Variants in RAB11FIP4 observed in about 807,000 individuals in gnomAD.
RAB11FIP4 encodes rab11 family-interacting protein 4.
In RAB11FIP4, 23 loss-of-function variants were observed where a neutral mutation model predicts 74.3. That is an observed-to-expected ratio of 0.31 (90% CI 0.22 to 0.44). The LOEUF is 0.44. Ranked by LOEUF, RAB11FIP4 falls within the 20% of genes least tolerant of loss-of-function variation. The probability of loss-of-function intolerance (pLI) is 1.00; values close to 1 mark genes in which losing one functional copy is unlikely to be tolerated. For missense variants in RAB11FIP4, 630 were observed against 863.9 expected (o/e 0.73, Z 3.39); for synonymous variants, 360 against 359.9 (o/e 1.00, Z 0.00).
At chr17:31,480,846 T>G (rs138966194) in intron 3 of RAB11FIP4, among the ~76,000 whole-genome samples, 33 of 149,386 alleles carry the variant, frequency 2.2e-4, no homozygotes, top group African/African-American at 8.1e-4. Flanking sequence ...GCCTCCAGGG[T>G]CTCTCTATGC....
At chr17:31,456,739 C>T (rs178871) in intron 3 of RAB11FIP4, among the ~76,000 whole-genome samples, 55 of 152,212 alleles carry the variant, frequency 3.6e-4, no homozygotes, top group Non-Finnish European at 7.1e-4. Context: ...TTTTACTACT[C>T]TAGCTATGAA....
intron 4 of RAB11FIP4, chr17:31,520,819 T>G (rs2072650881): frequency 1.3e-5 from 2 of 154,456 alleles, no homozygotes; most frequent in Non-Finnish European, 2.9e-5. Context: ...CTACAAATGT[T>G]TTAACAAACC....
intron 2 of RAB11FIP4, 91 bp from the exon 3 acceptor site, chr17:31,433,943 C>T: frequency 1.5e-6 from 2 of 1,297,082 alleles, no homozygotes; most frequent in Non-Finnish European, 2.1e-6. Context: ...CTCAGCCCTT[C>T]CCACCCTATG....
intron 3 of RAB11FIP4, among the ~76,000 whole-genome samples, chr17:31,510,970 T>C (rs983922573): frequency 6.6e-6 from 1 of 152,204 alleles, no homozygotes; most frequent in African/African-American, 2.4e-5. Flanking sequence ...TGCAGTGAGC[T>C]GTGATTGCGC....
At chr17:31,464,908 G>A (rs879591302) in intron 3 of RAB11FIP4, among the ~76,000 whole-genome samples, 28 of 151,514 alleles carry the variant, frequency 1.8e-4, no homozygotes, top group South Asian at 2.1e-4. Context: ...CTACAGGCAC[G>A]TACCATCATG....
chr17:31,503,521 G>C (rs1462587583), intron 3 of RAB11FIP4, among the ~76,000 whole-genome samples: 1 of 149,800 alleles, frequency 6.7e-6, no homozygotes, highest in Non-Finnish European at 1.5e-5. Flanking sequence ...GCAGAGTAGA[G>C]GGGAGGCAGT....
chr17:31,407,990 T>A (rs1261655237), intron 1 of RAB11FIP4, among the ~76,000 whole-genome samples: 8 of 152,020 alleles, frequency 5.3e-5, no homozygotes. Flanking sequence ...TTTCCACAGA[T>A]AGAGCATTGT....
chr17:31,425,096 C>T (rs759304617), intron 1 of RAB11FIP4, among the ~76,000 whole-genome samples: 2 of 152,198 alleles, frequency 1.3e-5, no homozygotes, highest in East Asian at 1.9e-4. Flanking sequence ...TGTGTTCAGC[C>T]GTCTTCTACG....
chr17:31,426,527 T>C (rs1294336413), intron 1 of RAB11FIP4, among the ~76,000 whole-genome samples: 1 of 152,176 alleles, frequency 6.6e-6, no homozygotes, highest in Admixed American at 6.6e-5. Context: ...GTTGATGGTA[T>C]GTATTGGTAA....
At chr17:31,399,522 G>A (rs971865402) in intron 1 of RAB11FIP4, among the ~76,000 whole-genome samples, 1 of 152,074 alleles carries the variant, frequency 6.6e-6, no homozygotes, top group Non-Finnish European at 1.5e-5. Context: ...AGACCAGCCT[G>A]GCCAACATGG....
intron 3 of RAB11FIP4, among the ~76,000 whole-genome samples, chr17:31,459,798 C>T (rs1466327216): frequency 1.3e-5 from 2 of 151,846 alleles, no homozygotes; most frequent in African/African-American, 4.8e-5. Context: ...CCCCACGGCC[C>T]CAGATACCTC....
chr17:31,485,984 C>G (rs1290971945), intron 3 of RAB11FIP4, among the ~76,000 whole-genome samples: 2 of 151,962 alleles, frequency 1.3e-5, no homozygotes, highest in Admixed American at 6.6e-5. Context: ...GCCTGTAATC[C>G]TAGCACTTTG....
chr17:31,530,225 G>A (rs2072842989), intron 13 of RAB11FIP4, 101 bp from the exon 14 acceptor site: 3 of 1,454,426 alleles, frequency 2.1e-6, no homozygotes, highest in African/African-American at 1.4e-5. Flanking sequence ...TGTGGGAATG[G>A]CGCTGGCGGC....
At chr17:31,480,259 G>T (rs1310777062) in intron 3 of RAB11FIP4, among the ~76,000 whole-genome samples, 3 of 152,110 alleles carry the variant, frequency 2.0e-5, no homozygotes, top group Non-Finnish European at 2.9e-5. Flanking sequence ...AGATGTTACT[G>T]CTGACAGTTG....
chr17:31,436,818 T>C (rs1161406726), intron 3 of RAB11FIP4, among the ~76,000 whole-genome samples: 2 of 151,334 alleles, frequency 1.3e-5, no homozygotes, highest in Non-Finnish European at 2.9e-5. Context: ...GACGGCATCT[T>C]GCTCTATCGC....
intron 3 of RAB11FIP4, among the ~76,000 whole-genome samples, chr17:31,441,620 C>CG (rs2071407913): frequency 6.6e-6 from 1 of 150,748 alleles, no homozygotes; most frequent in Non-Finnish European, 1.5e-5. Context: ...CTCTGCCTCC[C>CG]GGGTTCAAGC....
chr17:31,426,073 T>C (rs1055677370), intron 1 of RAB11FIP4, among the ~76,000 whole-genome samples: 1 of 152,214 alleles, frequency 6.6e-6, no homozygotes, highest in African/African-American at 2.4e-5. Context: ...CGAGACTCTT[T>C]GTGATCCAAG....
Position 31,434,132 on chromosome 17 carries a change from G to T in RAB11FIP4, c.336+10G>T. Reference sequence around the variant, plus strand: ...AGACTGCGTGGAGCAGGTAAGGCTTGGGGGGCCTCAAGGACCTCCATGGCT... The same window carrying T: ...AGACTGCGTGGAGCAGGTAAGGCTTTGGGGGCCTCAAGGACCTCCATGGCT... On this transcript the variant is annotated intron_variant, in intron 3 of 14. Coordinates refer to ENST00000621161, the MANE Select transcript of RAB11FIP4 (RefSeq NM_032932.6). 6.4e-7 allele frequency: 1 copy of T among 1,568,642 alleles called. No homozygotes were observed. Among genetic ancestry groups the T allele is most frequent in the Admixed American group, 1.9e-5 (1 of 52,988 alleles).
chr17:31,454,664 G>A (rs1003211207), intron 3 of RAB11FIP4, among the ~76,000 whole-genome samples: 5 of 152,010 alleles, frequency 3.3e-5, no homozygotes, highest in Non-Finnish European at 5.9e-5. Flanking sequence ...CAGGTGGATC[G>A]CTTGAGGTCA....
Sources: gnomAD v4.1 joint callset for allele counts (sites outside exome capture counted in the v4.1 genomes callset) on GRCh38, gnomAD v4.1.1 for gene constraint, MANE v1.5 for transcripts, NCBI Gene and HGNC (gene_info 2026-07-23, HGNC 2026-07-21) for gene names.